LSAMP: variants seen among roughly 807,000 people sequenced by gnomAD.
The protein encoded by LSAMP is limbic system associated membrane protein, also known as limbic system-associated membrane protein.
Under a neutral mutation model 38.6 loss-of-function variants are expected in LSAMP, and 7 were observed. The observed-to-expected ratio is 0.18, with a 90% CI of 0.10 to 0.34. LSAMP has a LOEUF of 0.34. LSAMP is among the 10% of genes least tolerant of loss of function. The probability of loss-of-function intolerance (pLI) is 1.00; values close to 1 mark genes in which losing one functional copy is unlikely to be tolerated. For missense variants in LSAMP, 313 were observed against 420.0 expected, an observed-to-expected ratio of 0.75 and a Z score of 2.23; for synonymous variants, 154 against 166.8, an observed-to-expected ratio of 0.92 and a Z score of 0.59.
At chr3:116,081,463 A>AG (rs1707871648) in intron 2 of LSAMP, among the ~76,000 whole-genome samples, 1 of 152,144 alleles carries the variant, frequency 6.6e-6, no homozygotes, top group African/African-American at 2.4e-5. Context: ...AAAAAAAAAA[A>AG]AGAGGTTGGG....
chr3:115,899,788 C>T lies in LSAMP; in HGVS notation c.515-47171G>A, dbSNP rs185447052. Among the ~76,000 whole-genome samples the T allele has an allele frequency of 7.2e-4, 109 of 152,250 alleles. 3 individuals are homozygous for T. Among genetic ancestry groups the T allele is most frequent in the African/African-American group, 2.5e-3 (104 of 41,560 alleles). On this transcript the variant is annotated intron_variant, in intron 3 of 6. Coordinates refer to ENST00000490035, the MANE Select transcript of LSAMP (RefSeq NM_002338.5). ...CCTGAGAAGGGGACATGGCATCTGGCTCTGCTTTAAATTGTGCTTACTGTC... is the reference window on the plus strand; with the variant it reads ...CCTGAGAAGGGGACATGGCATCTGGTTCTGCTTTAAATTGTGCTTACTGTC...
Position 116,408,176 on chromosome 3 carries a change from T to G in LSAMP, c.155+36701A>C, listed in dbSNP as rs575020000. Among the ~76,000 whole-genome samples, 19 of 152,248 alleles carry G rather than the reference T, an allele frequency of 1.2e-4. 1 individual carries two copies. In the South Asian group the frequency reaches 3.9e-3, roughly 32 times the overall value. On this transcript the variant is annotated intron_variant, in intron 1 of 6. Transcript: ENST00000490035. ...TTTACACATATCTATGTCATTTAAA[T>G]TTTATGTAATGATTATATATTGCCT...
chr3:115,978,064 A>G (rs1939243683), intron 3 of LSAMP, among the ~76,000 whole-genome samples: 1 of 151,984 alleles, frequency 6.6e-6, no homozygotes, highest in South Asian at 2.1e-4. Flanking sequence ...GCTGGAGTAC[A>G]GTGGTGCAGT....
intron 6 of LSAMP, among the ~76,000 whole-genome samples, chr3:115,832,909 T>G (rs567609984): frequency 6.6e-6 from 1 of 152,304 alleles, no homozygotes; most frequent in South Asian, 2.1e-4. Flanking sequence ...CCAGACTGTT[T>G]TTCAGTATCC....
intron 1 of LSAMP, among the ~76,000 whole-genome samples, chr3:116,242,631 G>A (rs929329712): frequency 6.6e-6 from 1 of 151,458 alleles, no homozygotes; most frequent in Non-Finnish European, 1.5e-5. Context: ...GTTTTTCCAA[G>A]TACTGTTTCT....
At chr3:115,973,096 T>C (rs1438972144) in intron 3 of LSAMP, among the ~76,000 whole-genome samples, 2 of 152,032 alleles carry the variant, frequency 1.3e-5, no homozygotes, top group Non-Finnish European at 1.5e-5. Flanking sequence ...TCTAGAAATA[T>C]GGGACATCAC....
At chr3:115,951,619 C>T (rs1339412998) in intron 3 of LSAMP, among the ~76,000 whole-genome samples, 1 of 152,122 alleles carries the variant, frequency 6.6e-6, no homozygotes, top group African/African-American at 2.4e-5. Flanking sequence ...AATCAGCTGC[C>T]AGTGTGGCCA....
In LSAMP at chr3:115,804,438, C is replaced by G. The variant is rs982166591; in HGVS notation, c.*5879G>C. On this transcript the variant is annotated 3_prime_UTR_variant, in exon 7 of 7. Coordinates refer to ENST00000490035, the MANE Select transcript of LSAMP (RefSeq NM_002338.5). Reference sequence around the variant, plus strand: ...TTTGTGGCTGAACTTGGGGTTAGAACCCAATTCTCCTGACTCCCAATTCAA... The same window carrying G: ...TTTGTGGCTGAACTTGGGGTTAGAAGCCAATTCTCCTGACTCCCAATTCAA... The G allele has an allele frequency of 6.6e-6, 1 of 152,176 alleles. No individual in the cohort carries two copies. The highest frequency in any genetic ancestry group is 1.5e-5 in the Non-Finnish European group (1 of 68,028). 9.4% of individuals were successfully genotyped at this position (152,176 alleles called of 1,614,324 possible).
At chr3:115,878,583 T>C (rs948443279) in intron 3 of LSAMP, among the ~76,000 whole-genome samples, 3 of 144,864 alleles carry the variant, frequency 2.1e-5, no homozygotes, top group Non-Finnish European at 4.5e-5. Context: ...TGTCTCAGCC[T>C]CCAGAGTAGC....
rs55990295 is a variant in LSAMP at position 116,050,890 on chromosome 3, C to T, written c.389-31250G>A. Among the ~76,000 whole-genome samples the T allele has an allele frequency of 7.9e-3, 1,201 of 152,224 alleles. 15 individuals carry two copies. The highest frequency in any genetic ancestry group is 0.01 in the Non-Finnish European group (695 of 68,016). On this transcript the variant is annotated intron_variant, in intron 2 of 6. Coordinates refer to ENST00000490035, the MANE Select transcript of LSAMP (RefSeq NM_002338.5). Reference sequence around the variant, plus strand: ...ACATCTTGTGGAAGATAAATTGTGCCTTATAAGGCCATAGTACGGGGCACA... The same window carrying T: ...ACATCTTGTGGAAGATAAATTGTGCTTTATAAGGCCATAGTACGGGGCACA...
intron 1 of LSAMP, among the ~76,000 whole-genome samples, chr3:116,404,134 T>G (rs540640559): frequency 6.6e-6 from 1 of 152,272 alleles, no homozygotes; most frequent in East Asian, 1.9e-4. Context: ...CAAATCATGG[T>G]AAAAATTCAC....
intron 2 of LSAMP, among the ~76,000 whole-genome samples, chr3:116,023,626 G>A (rs190743804): frequency 1.4e-5 from 2 of 146,294 alleles, no homozygotes; most frequent in South Asian, 2.2e-4. Context: ...AAAAAAAAAC[G>A]GTTTCTTTGC....
chr3:116,333,304 A>C (rs1366816773), intron 1 of LSAMP, among the ~76,000 whole-genome samples: 2 of 151,880 alleles, frequency 1.3e-5, no homozygotes, highest in Admixed American at 1.3e-4. Context: ...ACTTTGGGAG[A>C]CTGAGGCAGG....
rs540707259 is a variant in LSAMP, at chr3:116,355,677, G to A, written c.155+89200C>T. 3.9e-5 allele frequency among the ~76,000 whole-genome samples: 6 copies of A among 152,110 alleles called. No individual in the cohort carries two copies. In the East Asian group the frequency reaches 5.8e-4, roughly 15 times the overall value. On this transcript the variant is annotated intron_variant, in intron 1 of 6. Transcript: ENST00000490035. ...CCACAGAATGGAAGAAAATATTTGC[G>A]AACTATCCATCTGATAAGGGATTAT...
chr3:116,312,883 C>A (rs796471408), intron 1 of LSAMP, among the ~76,000 whole-genome samples: 11 of 152,222 alleles, frequency 7.2e-5, no homozygotes, highest in Admixed American at 5.2e-4. Flanking sequence ...CATCTGTAGA[C>A]ACATATCTTA....
chr3:116,127,327 C>A (rs986914754), intron 1 of LSAMP, among the ~76,000 whole-genome samples: 2 of 152,216 alleles, frequency 1.3e-5, no homozygotes, highest in South Asian at 2.1e-4. Context: ...ACATACATGT[C>A]TTGGTCAAAA....
chr3:115,989,477 G>C (rs1351571536), intron 3 of LSAMP, among the ~76,000 whole-genome samples: 2 of 151,960 alleles, frequency 1.3e-5, no homozygotes, highest in East Asian at 3.9e-4. Context: ...TACAATAAAG[G>C]CTTCTTTTTT....
intron 3 of LSAMP, among the ~76,000 whole-genome samples, chr3:115,857,675 C>T (rs1243159254): frequency 6.6e-6 from 1 of 152,142 alleles, no homozygotes; most frequent in African/African-American, 2.4e-5. Context: ...TTTTGTGTCT[C>T]CTGGCAATAT....
chr3:115,909,203 A>ATTT (rs1937081757), intron 3 of LSAMP, among the ~76,000 whole-genome samples: 1 of 152,182 alleles, frequency 6.6e-6, no homozygotes, highest in African/African-American at 2.4e-5. Context: ...TCCCAAAGAC[A>ATTT]CAGATTTCAG....
Sources: gnomAD v4.1 joint callset for allele counts (sites outside exome capture counted in the v4.1 genomes callset) on GRCh38, gnomAD v4.1.1 for gene constraint, MANE v1.5 for transcripts, NCBI Gene and HGNC (gene_info 2026-07-23, HGNC 2026-07-21) for gene names.